Variants in CNTNAP5 observed in about 807,000 individuals in gnomAD.
The protein encoded by CNTNAP5 is contactin associated protein family member 5.
Under a neutral mutation model 150.2 loss-of-function variants are expected in CNTNAP5, and 72 were observed. The ratio of observed to expected loss-of-function variants is 0.48; its 90% confidence interval spans 0.40 to 0.58. The LOEUF (loss-of-function observed/expected upper bound fraction) is 0.58. Ranked by LOEUF, CNTNAP5 falls within the 20% of genes least tolerant of loss-of-function variation. CNTNAP5 has a pLI of 0.00. For synonymous variants in CNTNAP5, 672 were observed against 619.8 expected (o/e 1.08, Z -1.25); for missense variants, 1,636 against 1,626.2 (o/e 1.01, Z -0.10).
intron 3 of CNTNAP5, among the ~76,000 whole-genome samples, chr2:124,286,954 A>G (rs1688169302): frequency 6.6e-6 from 1 of 152,170 alleles, no homozygotes; most frequent in African/African-American, 2.4e-5. Flanking sequence ...GGGACCAGTT[A>G]GCTTTTCTGT....
intron 3 of CNTNAP5, among the ~76,000 whole-genome samples, chr2:124,346,768 G>T (rs2104697759): frequency 6.6e-6 from 1 of 151,496 alleles, no homozygotes; most frequent in East Asian, 1.9e-4. Flanking sequence ...TTTGCATACA[G>T]TATTATTAAA....
At chr2:124,155,702 T>C (rs975324986) in intron 1 of CNTNAP5, among the ~76,000 whole-genome samples, 2 of 152,204 alleles carry the variant, frequency 1.3e-5, no homozygotes, top group Admixed American at 6.5e-5. Context: ...CATGCATAAC[T>C]TGTAGAGGAG....
At position 124,705,450 on chromosome 2, in the gene CNTNAP5, C is replaced by A. The variant is rs556822301; in HGVS notation, c.2078-41779C>A. On this transcript the variant is annotated intron_variant, in intron 13 of 23. Coordinates refer to ENST00000682447, the MANE Select transcript of CNTNAP5 (RefSeq NM_001367498.1). ...GACTGAGGCAGGAGAATTGCTTGAA[C>A]CCGGGAGGCGGAGGTTGCAGTGAAC... Among the ~76,000 whole-genome samples the A allele has an allele frequency of 6.6e-5, 10 of 152,200 alleles. No homozygotes were observed. The East Asian group carries it at 1.9e-3, about 29-fold the overall frequency.
chr2:124,779,122 T>A (rs1681393331), intron 17 of CNTNAP5, among the ~76,000 whole-genome samples: 1 of 152,198 alleles, frequency 6.6e-6, no homozygotes, highest in Non-Finnish European at 1.5e-5. Context: ...GGAGTGCTGT[T>A]GGTGGACAGT....
chr2:124,137,944 A>G (rs1295935779), intron 1 of CNTNAP5, among the ~76,000 whole-genome samples: 1 of 152,204 alleles, frequency 6.6e-6, no homozygotes, highest in Non-Finnish European at 1.5e-5. Flanking sequence ...ATTACCCACT[A>G]TGATTCATAT....
At chr2:124,717,357 T>C (rs1048170322) in intron 13 of CNTNAP5, among the ~76,000 whole-genome samples, 1 of 152,190 alleles carries the variant, frequency 6.6e-6, no homozygotes, top group African/African-American at 2.4e-5. Context: ...AGGGAATACT[T>C]GAGAATTGAA....
intron 13 of CNTNAP5, among the ~76,000 whole-genome samples, chr2:124,656,309 T>A (rs1678457213): frequency 6.6e-6 from 1 of 152,190 alleles, no homozygotes; most frequent in African/African-American, 2.4e-5. Flanking sequence ...TCAGTTATAA[T>A]TCATGTTGGA....
chr2:124,686,212 A>T (rs966545089), intron 13 of CNTNAP5, among the ~76,000 whole-genome samples: 6 of 152,086 alleles, frequency 3.9e-5, no homozygotes, highest in African/African-American at 1.4e-4. Flanking sequence ...TGAGCTGGCA[A>T]CTGGGGAGAG....
chr2:124,270,825 A>G (rs1687729789), intron 3 of CNTNAP5, among the ~76,000 whole-genome samples: 1 of 152,188 alleles, frequency 6.6e-6, no homozygotes, highest in East Asian at 1.9e-4. Flanking sequence ...AAAATGACAG[A>G]GTCAAAATGT....
intron 19 of CNTNAP5, among the ~76,000 whole-genome samples, chr2:124,835,436 G>A (rs915760961): frequency 2.6e-5 from 4 of 152,290 alleles, no homozygotes; most frequent in South Asian, 2.1e-4. Context: ...CAGGATTGCT[G>A]CAGAACTTGG....
intron 21 of CNTNAP5, among the ~76,000 whole-genome samples, chr2:124,889,761 A>G (rs1341124025): frequency 1.3e-5 from 2 of 152,042 alleles, no homozygotes; most frequent in East Asian, 1.9e-4. Context: ...GGGTTTTATT[A>G]TTATTTCAGA....
At chr2:124,291,319 A>C (rs1391055539) in intron 3 of CNTNAP5, among the ~76,000 whole-genome samples, 1 of 152,090 alleles carries the variant, frequency 6.6e-6, no homozygotes, top group Non-Finnish European at 1.5e-5. Flanking sequence ...TTTCACTGAT[A>C]TAATTATATA....
In CNTNAP5 at chr2:124,647,878, A is replaced by C. The variant is rs1678238604; in HGVS notation, c.1997A>C (p.Glu666Ala). 6.2e-7 allele frequency: 1 copy of C among 1,613,002 alleles called. No homozygotes were observed. The highest frequency in any genetic ancestry group is 8.5e-7 in the Non-Finnish European group (1 of 1,179,540). ...LDYGGSMEQL[E>A]AVIDGSEHCE... Reference sequence around the variant, plus strand: ...TACGGGGGCAGCATGGAACAGCTGGAGGCCGTGATCGACGGCTCTGAGCAC... The same window carrying C: ...TACGGGGGCAGCATGGAACAGCTGGCGGCCGTGATCGACGGCTCTGAGCAC... The change falls in exon 13 of 24, where the codon GAG becomes GCG. Residue 666 changes from glutamate (E) to alanine (A), a missense_variant. Coordinates refer to ENST00000682447, the MANE Select transcript of CNTNAP5 (RefSeq NM_001367498.1).
intron 19 of CNTNAP5, among the ~76,000 whole-genome samples, chr2:124,818,424 G>A (rs1218975878): frequency 6.6e-6 from 1 of 152,152 alleles, no homozygotes; most frequent in Admixed American, 6.5e-5. Context: ...CTACTTGGGA[G>A]GCAGAGGTGA....
At position 124,690,542 on chromosome 2, in the gene CNTNAP5, C is replaced by T. The variant is rs189139925; in HGVS notation, c.2077+42584C>T. On this transcript the variant is annotated intron_variant, in intron 13 of 23. Coordinates refer to ENST00000682447, the MANE Select transcript of CNTNAP5 (RefSeq NM_001367498.1). ...GCAATGTTGCTTAAATTCTTACCTACCAGGTAAATGATAGACATCTGCCCA... is the reference window on the plus strand; with the variant it reads ...GCAATGTTGCTTAAATTCTTACCTATCAGGTAAATGATAGACATCTGCCCA... 5.9e-5 allele frequency among the ~76,000 whole-genome samples: 9 copies of T among 152,170 alleles called. No individual in the cohort carries two copies. The East Asian group carries it at 1.7e-3, about 29-fold the overall frequency.
At chr2:124,519,255 T>C (rs1694801491) in intron 8 of CNTNAP5, among the ~76,000 whole-genome samples, 1 of 152,082 alleles carries the variant, frequency 6.6e-6, no homozygotes, top group South Asian at 2.1e-4. Flanking sequence ...GATGACATGT[T>C]TTAAAAATTG....
chr2:124,907,571 CTATAAT>C (rs930198056), intron 22 of CNTNAP5, among the ~76,000 whole-genome samples: 14 of 147,192 alleles, frequency 9.5e-5, no homozygotes, highest in Admixed American at 8.9e-4. Flanking sequence ...TGATCTATAT[CTATAAT>C]TATATCTATA....
At chr2:124,496,725 A>C (rs1694156919) in intron 7 of CNTNAP5, among the ~76,000 whole-genome samples, 1 of 152,168 alleles carries the variant, frequency 6.6e-6, no homozygotes, top group African/African-American at 2.4e-5. Flanking sequence ...CACCTGACTT[A>C]CTATTTCCTC....
At chr2:124,546,230 C>G (rs1395260250) in intron 10 of CNTNAP5, among the ~76,000 whole-genome samples, 1 of 152,048 alleles carries the variant, frequency 6.6e-6, no homozygotes, top group East Asian at 1.9e-4. Flanking sequence ...AAATTTTTTC[C>G]TGCACAGTGG....
Sources: allele counts gnomAD v4.1 joint callset (sites outside exome capture counted in the v4.1 genomes callset), GRCh38; gene constraint gnomAD v4.1.1; transcripts MANE v1.5; gene names NCBI Gene and HGNC (gene_info 2026-07-23, HGNC 2026-07-21).